Variants in SYNE1 observed in about 807,000 individuals in gnomAD.
SYNE1 encodes spectrin repeat containing nuclear envelope protein 1.
Under a neutral mutation model 1,111.0 loss-of-function variants are expected in SYNE1, and 616 were observed. The observed-to-expected ratio is 0.55, with a 90% CI of 0.52 to 0.59. The LOEUF (loss-of-function observed/expected upper bound fraction) is 0.59, where lower values mean the gene tolerates loss of function less well. SYNE1 is among the 20% of genes least tolerant of loss of function. The pLI is 0.00. For synonymous variants in SYNE1, 3,855 were observed against 3,825.8 expected (o/e 1.01, Z -0.28); for missense variants, 10,006 against 10,417.0 (o/e 0.96, Z 1.72).
chr6:152,434,195 A>C (rs1305197186), intron 33 of SYNE1: 3 of 500,336 alleles, frequency 6.0e-6, no homozygotes, highest in African/African-American at 5.8e-5. Context: ...TTTGAACAAA[A>C]CATTGCTGGG....
chr6:152,363,653 C>T, intron 63 of SYNE1: 1 of 437,554 alleles, frequency 2.3e-6, no homozygotes, highest in South Asian at 1.6e-5. Context: ...CCCCGGATCA[C>T]ACCACTGCAG....
At chr6:152,216,013 C>T (rs1030343095) in intron 121 of SYNE1, among the ~76,000 whole-genome samples, 1 of 152,216 alleles carries the variant, frequency 6.6e-6, no homozygotes, top group Non-Finnish European at 1.5e-5. Context: ...CCTTCAAACA[C>T]AGGACAATGT....
intron 130 of SYNE1, among the ~76,000 whole-genome samples, chr6:152,170,551 G>A (rs1445849938): frequency 6.6e-6 from 1 of 152,136 alleles, no homozygotes; most frequent in Admixed American, 6.5e-5. Context: ...ATGCATTCCT[G>A]ATCCTTACCA....
At chr6:152,564,780 C>T (rs2099406599) in intron 3 of SYNE1, among the ~76,000 whole-genome samples, 1 of 152,112 alleles carries the variant, frequency 6.6e-6, no homozygotes, top group African/African-American at 2.4e-5. Flanking sequence ...TCTAGGAGTG[C>T]AACAGATCCG....
In SYNE1 at chr6:152,354,816, C is replaced by T. The variant is rs762304790; in HGVS notation, c.10769G>A (p.Arg3590Gln). The change falls in exon 67 of 146, where the codon CGA becomes CAA. Residue 3590 changes from arginine (R) to glutamine (Q), a missense_variant. By Grantham distance (43) the Arg-to-Gln change is conservative (BLOSUM62 1). Transcript: ENST00000367255. ...QAYQHRLSETRTQFNNVVNKL... is the reference protein window; with the variant it reads ...QAYQHRLSETQTQFNNVVNKL... ...GTTCACCACGTTATTGAACTGAGTT[C>T]GAGTCTCGGACAGCCTGTGCTGGTA... is the stretch of plus-strand genomic sequence containing the variant. The T allele has an allele frequency of 6.2e-6, 10 of 1,614,016 alleles. No homozygotes were observed. The highest frequency in any genetic ancestry group is 8.5e-6 in the Non-Finnish European group (10 of 1,180,048).
At chr6:152,226,858 G>T (rs1434193390) in intron 115 of SYNE1, among the ~76,000 whole-genome samples, 3 of 152,112 alleles carry the variant, frequency 2.0e-5, no homozygotes, top group Non-Finnish European at 4.4e-5. Flanking sequence ...TCCCATGTTG[G>T]GGTGATATGA....
intron 39 of SYNE1, among the ~76,000 whole-genome samples, chr6:152,423,207 T>G (rs1340327043): frequency 6.6e-6 from 1 of 152,312 alleles, no homozygotes; most frequent in East Asian, 1.9e-4. Context: ...CAATAACCTG[T>G]CTTAACATGA....
At position 152,607,365 on chromosome 6, in the gene SYNE1, T is replaced by C. The variant is rs139748644; in HGVS notation, c.67+20900A>G. On this transcript the variant is annotated intron_variant, in intron 3 of 145. Coordinates refer to ENST00000367255, the MANE Select transcript of SYNE1 (RefSeq NM_182961.4). ...GACTACAGTGAGTAAGGAAGTCCTA[T>C]AGAAAAGTGTTTGCAAGAGCCCTTC... 9.6e-3 allele frequency among the ~76,000 whole-genome samples: 1,466 copies of C among 152,236 alleles called. 23 individuals are homozygous for C. Among genetic ancestry groups the C allele is most frequent in the African/African-American group, 0.031 (1,296 of 41,532 alleles).
intron 107 of SYNE1, among the ~76,000 whole-genome samples, chr6:152,240,498 T>C (rs987781314): frequency 2.6e-5 from 4 of 152,220 alleles, no homozygotes; most frequent in Non-Finnish European, 1.5e-5. Flanking sequence ...TGCGCCATCC[T>C]ACTAATGTTT....
At position 152,221,098 on chromosome 6, in the gene SYNE1, T is replaced by C. The variant is rs772515450; in HGVS notation, c.21657-52A>G. 2.4e-5 allele frequency: 37 copies of C among 1,560,364 alleles called. No individual in the cohort carries two copies. In the Admixed American group the frequency reaches 5.5e-4, roughly 23 times the overall value. ...GCAGATTACCACCTCTCACCAAATG[T>C]GGATATGTGCTATTTTATTTTTCAT... On this transcript the variant is annotated intron_variant, in intron 118 of 145. Coordinates refer to ENST00000367255, the MANE Select transcript of SYNE1 (RefSeq NM_182961.4).
intron 108 of SYNE1, among the ~76,000 whole-genome samples, chr6:152,238,501 T>TAGGGAATTCCACATC (rs1193770337): frequency 1.3e-5 from 2 of 152,178 alleles, no homozygotes; most frequent in Non-Finnish European, 2.9e-5. Flanking sequence ...CTCCAAAATA[T>TAGGGAATTCCACATC]AGGGAATTCC....
At chr6:152,269,895 T>C (rs1008060601) in intron 98 of SYNE1, among the ~76,000 whole-genome samples, 1 of 152,170 alleles carries the variant, frequency 6.6e-6, no homozygotes, top group African/African-American at 2.4e-5. Context: ...TCTCAGTTCA[T>C]ATGGGAGAAA....
At chr6:152,501,553 G>A (rs2099030042) in intron 10 of SYNE1, among the ~76,000 whole-genome samples, 2 of 152,108 alleles carry the variant, frequency 1.3e-5, no homozygotes, top group Admixed American at 1.3e-4. Flanking sequence ...TGGCCAACAT[G>A]TGAAACCCAA....
intron 3 of SYNE1, among the ~76,000 whole-genome samples, chr6:152,601,503 G>A (rs1011573815): frequency 6.6e-6 from 1 of 152,170 alleles, no homozygotes; most frequent in Non-Finnish European, 1.5e-5. Context: ...CCTACACAAG[G>A]TGAGGAAACT....
At chr6:152,170,587 A>C (rs1412575575) in intron 130 of SYNE1, among the ~76,000 whole-genome samples, 1 of 152,184 alleles carries the variant, frequency 6.6e-6, no homozygotes, top group Non-Finnish European at 1.5e-5. Context: ...AAACACCCTT[A>C]GGTAATACCA....
rs1243435255 is a variant in SYNE1, at chr6:152,433,849, G to C, written c.4407C>G (p.Leu1469=). ...CAGATGACGAAGTTTCCAAGGCATT[G>C]AGTTCTTTTTCTTTCTCAGTTATCC... is the stretch of plus-strand genomic sequence containing the variant. ...SVWITEKEKE[L]NALETSSSAM... is the part of the protein sequence containing the mutation. Residue 1469 remains leucine (L), a synonymous_variant, in exon 34 of 146, where the codon CTC becomes CTG. Coordinates refer to ENST00000367255, the MANE Select transcript of SYNE1 (RefSeq NM_182961.4). 6.2e-7 allele frequency: 1 copy of C among 1,613,754 alleles called. No homozygotes were observed. The highest frequency in any genetic ancestry group is 1.3e-5 in the African/African-American group (1 of 74,926).
chr6:152,450,734 C>T lies in SYNE1; in HGVS notation c.3286G>A (p.Asp1096Asn). ...VKLPVRDPVR[D>N]TPGTCHVTLK... ...GTCACGTGACAGGTTCCAGGTGTGT[C>T]CCTTACTGGGTCCCGCACTGGGAGT... The change falls in exon 27 of 146, where the codon GAC (aspartate) becomes AAC (asparagine). Residue 1096 changes from aspartate to asparagine, a missense_variant. Transcript: ENST00000367255. The T allele has an allele frequency of 6.2e-7, 1 of 1,614,066 alleles. No homozygotes were observed. Among genetic ancestry groups the T allele is most frequent in the East Asian group, 2.2e-5 (1 of 44,848 alleles).
At chr6:152,461,298 C>G (rs537982323) in intron 21 of SYNE1, among the ~76,000 whole-genome samples, 5 of 152,180 alleles carry the variant, frequency 3.3e-5, no homozygotes, top group Non-Finnish European at 5.9e-5. Context: ...TCTCCTTTTT[C>G]TCTTTATCTC....
At chr6:152,349,775 C>G (rs1004219458) in intron 72 of SYNE1, among the ~76,000 whole-genome samples, 4 of 152,156 alleles carry the variant, frequency 2.6e-5, no homozygotes, top group African/African-American at 9.7e-5. Flanking sequence ...ATCATGGGGA[C>G]AGCTCTTTCC....
Sources: allele counts gnomAD v4.1 joint callset (sites outside exome capture counted in the v4.1 genomes callset), GRCh38; gene constraint gnomAD v4.1.1; transcripts MANE v1.5; gene names NCBI Gene and HGNC (gene_info 2026-07-23, HGNC 2026-07-21).